The following KCNB2 variants were observed in gnomAD, a reference collection of about 807,000 sequenced individuals.
KCNB2 encodes potassium voltage-gated channel subfamily B member 2, also known as delayed rectifier potassium channel protein.
Under a neutral mutation model 61.5 loss-of-function variants are expected in KCNB2, and 15 were observed. That is an observed-to-expected ratio of 0.24 (90% confidence interval 0.16 to 0.38). The LOEUF is 0.38. Ranked by LOEUF, KCNB2 falls within the 10% of genes least tolerant of loss-of-function variation. The pLI is 1.00. For synonymous variants in KCNB2, 457 were observed against 446.0 expected (o/e 1.02, Z -0.31); for missense variants, 828 against 1,125.2 (o/e 0.74, Z 3.78).
chr8:72,934,028 T>G (rs1806845298), intron 2 of KCNB2, among the ~76,000 whole-genome samples: 1 of 152,126 alleles, frequency 6.6e-6, no homozygotes, highest in Admixed American at 6.5e-5. Context: ...TGCATTATAC[T>G]GTTGTTTCAC....
chr8:72,865,236 C>G (rs1272458615), intron 2 of KCNB2, among the ~76,000 whole-genome samples: 2 of 152,062 alleles, frequency 1.3e-5, no homozygotes, highest in African/African-American at 4.8e-5. Context: ...TTTTCATTCC[C>G]CATCGCTTAC....
rs572106366 is a variant in KCNB2, at chr8:72,908,869, C to T, written c.580-27066C>T. 3.9e-4 allele frequency among the ~76,000 whole-genome samples: 59 copies of T among 152,304 alleles called. 1 individual carries two copies. The highest frequency in any genetic ancestry group is 1.3e-3 in the African/African-American group (56 of 41,574). On this transcript the variant is annotated intron_variant, in intron 2 of 2. Transcript: ENST00000523207. Reference sequence around the variant, plus strand: ...GAAACTCCCTGACCCAGGGGACCCACATGACAAAAATAGACTTGAACCAAG... The same window carrying T: ...GAAACTCCCTGACCCAGGGGACCCATATGACAAAAATAGACTTGAACCAAG...
chr8:72,736,005 G>T (rs1227950252), intron 2 of KCNB2, among the ~76,000 whole-genome samples: 2 of 152,022 alleles, frequency 1.3e-5, no homozygotes, highest in Non-Finnish European at 2.9e-5. Context: ...ATATATTTTT[G>T]CAGGCCCACA....
intron 2 of KCNB2, among the ~76,000 whole-genome samples, chr8:72,748,008 T>C (rs1367843815): frequency 6.6e-6 from 1 of 152,212 alleles, no homozygotes; most frequent in African/African-American, 2.4e-5. Context: ...AACAGCTTTG[T>C]TCAGCTCCCC....
intron 2 of KCNB2, among the ~76,000 whole-genome samples, chr8:72,782,737 T>C (rs1299606899): frequency 6.6e-6 from 1 of 152,186 alleles, no homozygotes; most frequent in African/African-American, 2.4e-5. Context: ...TTTGTCTCGC[T>C]GGCTGTGAGT....
intron 2 of KCNB2, among the ~76,000 whole-genome samples, chr8:72,849,021 A>G (rs1379209359): frequency 1.3e-5 from 2 of 150,136 alleles, no homozygotes; most frequent in Non-Finnish European, 3.0e-5. Context: ...AACATTATAT[A>G]ATGTATATAT....
chr8:72,825,057 C>T (rs1237726272), intron 2 of KCNB2, among the ~76,000 whole-genome samples: 1 of 152,182 alleles, frequency 6.6e-6, no homozygotes, highest in African/African-American at 2.4e-5. Context: ...TTCGTCTTTC[C>T]TCTCTCTTCT....
chr8:72,566,400 A>G (rs1332197613), intron 1 of KCNB2, among the ~76,000 whole-genome samples: 1 of 152,152 alleles, frequency 6.6e-6, no homozygotes, highest in African/African-American at 2.4e-5. Context: ...TTAAGGCTGT[A>G]TTAGAAGTGT....
intron 2 of KCNB2, among the ~76,000 whole-genome samples, chr8:72,610,265 C>T (rs975625821): frequency 5.3e-5 from 8 of 152,112 alleles, no homozygotes; most frequent in African/African-American, 1.4e-4. Flanking sequence ...GTTTAGCATT[C>T]GAGTGTTCTT....
At chr8:72,830,529 C>A (rs1047157022) in intron 2 of KCNB2, among the ~76,000 whole-genome samples, 1 of 152,210 alleles carries the variant, frequency 6.6e-6, no homozygotes, top group Non-Finnish European at 1.5e-5. Flanking sequence ...TACTATCCAT[C>A]CCACCCATCC....
chr8:72,591,508 A>G (rs349359), intron 2 of KCNB2, among the ~76,000 whole-genome samples: 1 of 152,072 alleles, frequency 6.6e-6, no homozygotes, highest in African/African-American at 2.4e-5. Context: ...ATTTTATTCT[A>G]GTAATCCTAA....
intron 2 of KCNB2, among the ~76,000 whole-genome samples, chr8:72,703,156 C>T (rs1025394749): frequency 1.3e-5 from 2 of 152,196 alleles, no homozygotes; most frequent in African/African-American, 4.8e-5. Flanking sequence ...CCTAGCTATG[C>T]CATTTTCTCC....
chr8:72,604,926 G>C (rs542412816), intron 2 of KCNB2, among the ~76,000 whole-genome samples: 22 of 152,238 alleles, frequency 1.4e-4, no homozygotes, highest in Admixed American at 3.9e-4. Context: ...TAACATTCTT[G>C]ACAAGCTTTC....
rs1806077995 is a variant in KCNB2 at position 72,642,859 on chromosome 8, T to C, written c.579+74546T>C. On this transcript the variant is annotated intron_variant, in intron 2 of 2. Transcript: ENST00000523207. Reference sequence around the variant, plus strand: ...TTGAGACATATTTTGTAGCACTTTGTTGAAATAATATCAGATGTGAAATAA... The same window carrying C: ...TTGAGACATATTTTGTAGCACTTTGCTGAAATAATATCAGATGTGAAATAA... 2.0e-5 allele frequency among the ~76,000 whole-genome samples: 3 copies of C among 152,144 alleles called. No homozygotes were observed. The South Asian group carries it at 6.2e-4, about 31-fold the overall frequency.
chr8:72,759,949 A>G (rs576842848), intron 2 of KCNB2, among the ~76,000 whole-genome samples: 2 of 152,320 alleles, frequency 1.3e-5, no homozygotes, highest in East Asian at 3.9e-4. Context: ...TGGCAGAAGC[A>G]AGGAAACTCA....
At chr8:72,775,260 T>C (rs1585886216) in intron 2 of KCNB2, among the ~76,000 whole-genome samples, 1 of 151,946 alleles carries the variant, frequency 6.6e-6, no homozygotes, top group African/African-American at 2.4e-5. Context: ...CATCTGGAGG[T>C]GGTGGTGGAC....
Position 72,882,411 on chromosome 8 carries a change from C to A in KCNB2, c.580-53524C>A, listed in dbSNP as rs551416209. 1.6e-3 allele frequency among the ~76,000 whole-genome samples: 245 copies of A among 152,204 alleles called. 1 individual carries two copies. The highest frequency in any genetic ancestry group is 5.5e-3 in the African/African-American group (229 of 41,534). ...TACATTGAGGTCACAGTTCATCACG[C>A]GGTGAGTGCCATGGCTCTTTCCAGC... is the stretch of plus-strand genomic sequence containing the variant. On this transcript the variant is annotated intron_variant, in intron 2 of 2. Transcript: ENST00000523207.
chr8:72,560,300 C>A (rs1292500996), intron 1 of KCNB2, among the ~76,000 whole-genome samples: 1 of 152,158 alleles, frequency 6.6e-6, no homozygotes, highest in African/African-American at 2.4e-5. Context: ...ATGAACATTT[C>A]CATATTTGGT....
At chr8:72,848,542 CTAAA>C (rs1563403468) in intron 2 of KCNB2, among the ~76,000 whole-genome samples, 1 of 152,138 alleles carries the variant, frequency 6.6e-6, no homozygotes, top group Non-Finnish European at 1.5e-5. Flanking sequence ...AAAGGAAACT[CTAAA>C]TGCTTACTCT....
Sources: gnomAD v4.1 joint callset for allele counts (sites outside exome capture counted in the v4.1 genomes callset) on GRCh38, gnomAD v4.1.1 for gene constraint, MANE v1.5 for transcripts, NCBI Gene and HGNC (gene_info 2026-07-23, HGNC 2026-07-21) for gene names.